GRAMD1B: variants seen among roughly 807,000 people sequenced by gnomAD.
The protein encoded by GRAMD1B is protein Aster-B.
GRAMD1B carries 37 observed loss-of-function variants against 99.7 expected under a neutral mutation model. The observed-to-expected ratio is 0.37, with a 90% CI of 0.29 to 0.49. The LOEUF is 0.49. GRAMD1B is among the 20% of genes least tolerant of loss of function. GRAMD1B has a pLI of 0.98. For synonymous variants in GRAMD1B, 427 were observed against 387.6 expected, an observed-to-expected ratio of 1.10 and a Z score of -1.19; for missense variants, 888 against 1,009.2, an observed-to-expected ratio of 0.88 and a Z score of 1.63.
At chr11:123,416,370 T>C (rs1218873784) in intron 1 of GRAMD1B, among the ~76,000 whole-genome samples, 7 of 152,154 alleles carry the variant, frequency 4.6e-5, no homozygotes, top group Admixed American at 3.9e-4. Flanking sequence ...AAAAGGCAAG[T>C]ACAGAAATCT....
At chr11:123,363,439 G>GT (rs1199186197) in intron 1 of GRAMD1B, among the ~76,000 whole-genome samples, 2 of 152,174 alleles carry the variant, frequency 1.3e-5, no homozygotes, top group African/African-American at 4.8e-5. Context: ...GTAAAGAACT[G>GT]TTTTGATGAG....
At chr11:123,583,497 CGT>C (rs1949699804) in intron 3 of GRAMD1B, among the ~76,000 whole-genome samples, 1 of 152,100 alleles carries the variant, frequency 6.6e-6, no homozygotes, top group Non-Finnish European at 1.5e-5. Context: ...TGTCTATCTG[CGT>C]GTCCATCTAT....
At chr11:123,559,797 G>A (rs1801518278) in intron 2 of GRAMD1B, 1 of 498,724 alleles carries the variant, frequency 2.0e-6, no homozygotes, top group Non-Finnish European at 2.6e-6. Flanking sequence ...AGAGGCCCTC[G>A]GCCATCTTTT....
At position 123,410,948 on chromosome 11, in the gene GRAMD1B, T is replaced by C. The variant is rs1948026119; in HGVS notation, c.-176+52149T>C. Among the ~76,000 whole-genome samples the C allele has an allele frequency of 2.0e-5, 3 of 152,162 alleles. No individual in the cohort carries two copies. The South Asian group carries it at 6.2e-4, about 32-fold the overall frequency. On this transcript the variant is annotated intron_variant, in intron 1 of 20. Coordinates refer to the GRAMD1B transcript ENST00000638157. ...AAATGGATGAAACCCCCAAAGTGCC[T>C]TGTATACCTCTGATAGCACATCTCA... is the stretch of plus-strand genomic sequence containing the variant.
chr11:123,526,950 G>C (rs1942839577), intron 2 of GRAMD1B, among the ~76,000 whole-genome samples: 1 of 152,218 alleles, frequency 6.6e-6, no homozygotes, highest in Non-Finnish European at 1.5e-5. Flanking sequence ...TTCATCTGGT[G>C]GAGAAACTGC....
intron 2 of GRAMD1B, among the ~76,000 whole-genome samples, chr11:123,491,006 T>A (rs1450465217): frequency 2.0e-5 from 3 of 152,202 alleles, no homozygotes; most frequent in Admixed American, 6.5e-5. Flanking sequence ...ATTCTGGGAC[T>A]TTTTTTGTGT....
chr11:123,423,310 C>T lies in GRAMD1B; in HGVS notation c.-175-57506C>T, dbSNP rs569571843. Among the ~76,000 whole-genome samples the T allele has an allele frequency of 9.3e-4, 141 of 151,644 alleles. 1 individual carries two copies. Among genetic ancestry groups the T allele is most frequent in the Non-Finnish European group, 1.6e-3 (108 of 67,844 alleles). ...CCTTATCCCCAACCCCAAATGTTCC[C>T]TCTCCTCTCCTTTCTTCTCCCCTCC... On this transcript the variant is annotated intron_variant, in intron 1 of 20. Coordinates refer to the GRAMD1B transcript ENST00000638157.
At chr11:123,585,686 TGG>T (rs1374495359) in intron 4 of GRAMD1B, among the ~76,000 whole-genome samples, 1 of 152,164 alleles carries the variant, frequency 6.6e-6, no homozygotes, top group Non-Finnish European at 1.5e-5. Flanking sequence ...CCAGCTGTCA[TGG>T]GGACCCCAGC....
rs1234891603 is a variant in GRAMD1B at position 123,626,703 on chromosome 11, A to C, written c.*4108A>C. ...CACCTTCGCCACTTGTCTCTAGGCT[A>C]TGGGACAATCATCCCATTCACCACT... On this transcript the variant is annotated 3_prime_UTR_variant, in exon 20 of 20. Coordinates refer to ENST00000635736, the MANE Select transcript of GRAMD1B (RefSeq NM_001387025.1). The C allele has an allele frequency of 6.6e-6, 1 of 152,300 alleles. No homozygotes were observed. The highest frequency in any genetic ancestry group is 1.5e-5 in the Non-Finnish European group (1 of 68,142). 9.4% of individuals were successfully genotyped at this position (152,300 alleles called of 1,614,324 possible).
intron 2 of GRAMD1B, among the ~76,000 whole-genome samples, chr11:123,552,273 CTTTTTTTTTTT>C (rs71060514): frequency 6.7e-5 from 8 of 119,370 alleles, no homozygotes; most frequent in African/African-American, 2.6e-4. Context: ...CTCTTTCTTT[CTTTTTTTTTTT>C]TTTTTTTTGA....
intron 2 of GRAMD1B, among the ~76,000 whole-genome samples, chr11:123,546,980 C>G (rs1449796034): frequency 1.3e-5 from 2 of 152,160 alleles, no homozygotes; most frequent in Non-Finnish European, 2.9e-5. Flanking sequence ...AGAGACACAA[C>G]CTGTCAACCT....
intron 2 of GRAMD1B, among the ~76,000 whole-genome samples, chr11:123,484,256 A>G (rs925194641): frequency 6.6e-6 from 1 of 152,018 alleles, no homozygotes; most frequent in Admixed American, 6.6e-5. Context: ...ACTTTATATT[A>G]TCTCTGCTGC....
intron 1 of GRAMD1B, among the ~76,000 whole-genome samples, chr11:123,420,042 C>T (rs560700706): frequency 6.6e-6 from 1 of 152,148 alleles, no homozygotes; most frequent in Non-Finnish European, 1.5e-5. Flanking sequence ...CATTGCCTGA[C>T]TACATTCTGG....
At chr11:123,448,573 C>T (rs1188894635) in intron 1 of GRAMD1B, among the ~76,000 whole-genome samples, 1 of 152,222 alleles carries the variant, frequency 6.6e-6, no homozygotes, top group Non-Finnish European at 1.5e-5. Context: ...CATCCATTCT[C>T]TTGGCTTTAA....
intron 1 of GRAMD1B, among the ~76,000 whole-genome samples, chr11:123,467,367 A>G (rs1276020643): frequency 6.6e-6 from 1 of 150,874 alleles, no homozygotes; most frequent in East Asian, 2.0e-4. Flanking sequence ...AAACAAACAA[A>G]AACGTTGTAG....
At chr11:123,509,898 T>A (rs1164792005) in intron 2 of GRAMD1B, 1 of 152,310 alleles carries the variant, frequency 6.6e-6, no homozygotes, top group East Asian at 1.9e-4. Flanking sequence ...CAGGGGCCTC[T>A]GCAGATCCAG....
chr11:123,589,747 C>T (rs1950460952), intron 4 of GRAMD1B, among the ~76,000 whole-genome samples: 1 of 151,908 alleles, frequency 6.6e-6, no homozygotes, highest in Non-Finnish European at 1.5e-5. Context: ...CAAGCACGAG[C>T]CACTGTGCCC....
At chr11:123,509,971 G>A (rs534756377) in intron 2 of GRAMD1B, 6 of 152,162 alleles carry the variant, frequency 3.9e-5, no homozygotes, top group Non-Finnish European at 8.8e-5. Context: ...GGAGTGGAGT[G>A]GGGGGGTGTG....
In GRAMD1B at chr11:123,608,821, G is replaced by T; in HGVS notation, c.1657+19G>T. 1 of 1,454,372 alleles carries T rather than the reference G, an allele frequency of 6.9e-7. No individual in the cohort carries two copies. Among genetic ancestry groups the T allele is most frequent in the East Asian group, 2.5e-5 (1 of 40,334 alleles). 90.1% of individuals were successfully genotyped at this position (1,454,372 alleles called of 1,614,324 possible). On this transcript the variant is annotated intron_variant, in intron 12 of 19. Transcript: ENST00000635736. ...TTCTCTGGTCCGTTCTGCTGGGACTGTACCCCCCATTCCTCCCTCTTCATC... is the reference window on the plus strand; with the variant it reads ...TTCTCTGGTCCGTTCTGCTGGGACTTTACCCCCCATTCCTCCCTCTTCATC...
Sources: allele counts gnomAD v4.1 joint callset (sites outside exome capture counted in the v4.1 genomes callset), GRCh38; gene constraint gnomAD v4.1.1; transcripts MANE v1.5; gene names NCBI Gene and HGNC (gene_info 2026-07-23, HGNC 2026-07-21).